Variants in SHISA9 observed in about 807,000 individuals in gnomAD.
SHISA9 encodes shisa family member 9, also known as protein shisa-9.
SHISA9 carries 13 observed loss-of-function variants against 38.0 expected under a neutral mutation model. The observed-to-expected ratio is 0.34, with a 90% confidence interval of 0.22 to 0.54. The LOEUF (loss-of-function observed/expected upper bound fraction) is 0.54, where lower values mean the gene tolerates loss of function less well. SHISA9 is among the 20% of genes least tolerant of loss of function. The pLI is 0.91. For missense variants in SHISA9, 538 were observed against 575.8 expected, an observed-to-expected ratio of 0.93 and a Z score of 0.67; for synonymous variants, 275 against 242.0, an observed-to-expected ratio of 1.14 and a Z score of -1.27.
intron 2 of SHISA9, among the ~76,000 whole-genome samples, chr16:13,169,983 A>G (rs2050670928): frequency 6.6e-6 from 1 of 152,124 alleles, no homozygotes; most frequent in South Asian, 2.1e-4. Context: ...CAAGTGGATC[A>G]CCTGAGGTCA....
chr16:13,129,140 T>C (rs890585159), intron 2 of SHISA9, among the ~76,000 whole-genome samples: 7 of 152,222 alleles, frequency 4.6e-5, no homozygotes, highest in East Asian at 3.9e-4. Flanking sequence ...GACAGAGTTA[T>C]TGTCTTCATT....
chr16:13,524,832 G>A, the SHISA9 span, among the ~76,000 whole-genome samples: 2 of 151,996 alleles, frequency 1.3e-5, no homozygotes, highest in Non-Finnish European at 2.9e-5. Context: ...CTCCCAAAGT[G>A]GGCAGGATAA....
chr16:13,370,537 A>G, the SHISA9 span, among the ~76,000 whole-genome samples: 3 of 152,222 alleles, frequency 2.0e-5, no homozygotes, highest in Non-Finnish European at 2.9e-5. Flanking sequence ...TTACGAAGGC[A>G]TTGCTGAGTG....
the SHISA9 span, among the ~76,000 whole-genome samples, chr16:13,367,937 G>T: frequency 6.6e-6 from 1 of 151,496 alleles, no homozygotes; most frequent in Non-Finnish European, 1.5e-5. Context: ...TTAAATTTTA[G>T]GGTACATGTG....
At chr16:12,936,364 A>G (rs2071532910) in intron 2 of SHISA9, among the ~76,000 whole-genome samples, 1 of 152,194 alleles carries the variant, frequency 6.6e-6, no homozygotes, top group African/African-American at 2.4e-5. Flanking sequence ...AGGTTGGTCC[A>G]ATGTCATATT....
chr16:13,412,487 C>G, the SHISA9 span, among the ~76,000 whole-genome samples: 1,957 of 152,132 alleles, frequency 0.013, 56 homozygotes, highest in African/African-American at 0.045. Flanking sequence ...CCTTCTCTCA[C>G]TTTCTTTCCC....
chr16:13,508,488 C>G, the SHISA9 span, among the ~76,000 whole-genome samples: 1 of 152,092 alleles, frequency 6.6e-6, no homozygotes, highest in African/African-American at 2.4e-5. Context: ...AGAGTTTAAA[C>G]ATTTTAAGGT....
intron 2 of SHISA9, among the ~76,000 whole-genome samples, chr16:13,128,582 C>A (rs921044645): frequency 6.6e-6 from 1 of 152,092 alleles, no homozygotes; most frequent in African/African-American, 2.4e-5. Flanking sequence ...AACACTCTTA[C>A]CACAGTGCCA....
chr16:13,399,570 T>G, the SHISA9 span, among the ~76,000 whole-genome samples: 4 of 152,234 alleles, frequency 2.6e-5, no homozygotes, highest in Admixed American at 2.0e-4. Context: ...CTAGCCATGC[T>G]GCCACATTGC....
the SHISA9 span, among the ~76,000 whole-genome samples, chr16:13,274,945 T>A: frequency 6.6e-6 from 1 of 152,150 alleles, no homozygotes; most frequent in Admixed American, 6.5e-5. Context: ...CGCTAATGAT[T>A]GGGTCCACTG....
chr16:13,073,922 G>A (rs904966683), intron 2 of SHISA9, among the ~76,000 whole-genome samples: 2 of 151,518 alleles, frequency 1.3e-5, no homozygotes, highest in Admixed American at 1.3e-4. Context: ...CAGACTTCTG[G>A]CCTCTAGAAC....
chr16:13,065,409 A>C (rs1405282775), intron 2 of SHISA9, among the ~76,000 whole-genome samples: 2 of 152,216 alleles, frequency 1.3e-5, no homozygotes, highest in Admixed American at 1.3e-4. Context: ...AACCAGTGAA[A>C]GTTTTAGAGA....
intron 2 of SHISA9, among the ~76,000 whole-genome samples, chr16:13,076,619 AC>A (rs2073585851): frequency 6.6e-6 from 1 of 152,070 alleles, no homozygotes; most frequent in South Asian, 2.1e-4. Flanking sequence ...AGTTTTGCAG[AC>A]CCTCTTCTAG....
At chr16:12,903,066 C>G (rs1215849701) in intron 1 of SHISA9, 1 of 166,342 alleles carries the variant, frequency 6.0e-6, no homozygotes, top group Non-Finnish European at 1.3e-5. Context: ...TGTGTGAGCC[C>G]GAGCGCGCGT....
At chr16:13,337,383 G>A in the SHISA9 span, among the ~76,000 whole-genome samples, 10 of 152,130 alleles carry the variant, frequency 6.6e-5, no homozygotes, top group East Asian at 3.9e-4. Context: ...GCTGCCGTGT[G>A]AGACGTGCCT....
At chr16:13,450,632 C>T in the SHISA9 span, among the ~76,000 whole-genome samples, 1 of 152,358 alleles carries the variant, frequency 6.6e-6, no homozygotes, top group Admixed American at 6.5e-5. Context: ...CATTTTACAA[C>T]AGTCCTATGA....
intron 2 of SHISA9, among the ~76,000 whole-genome samples, chr16:13,022,050 T>C (rs771222656): frequency 2.0e-5 from 3 of 152,206 alleles, no homozygotes; most frequent in Non-Finnish European, 4.4e-5. Context: ...TTCTGGTGGC[T>C]CCAGGCTTTC....
chr16:13,044,696 T>C (rs1321716754), intron 2 of SHISA9, among the ~76,000 whole-genome samples: 1 of 152,074 alleles, frequency 6.6e-6, no homozygotes, highest in Non-Finnish European at 1.5e-5. Flanking sequence ...GGCTCCGAGG[T>C]GAGAGGGCAT....
chr16:13,501,916 C>T, the SHISA9 span, among the ~76,000 whole-genome samples: 4 of 151,784 alleles, frequency 2.6e-5, no homozygotes, highest in Non-Finnish European at 5.9e-5. Context: ...GCAGGAGAAT[C>T]ACTTGAACCC....
Sources: gnomAD v4.1 joint callset for allele counts (sites outside exome capture counted in the v4.1 genomes callset) on GRCh38, gnomAD v4.1.1 for gene constraint, MANE v1.5 for transcripts, NCBI Gene and HGNC (gene_info 2026-07-23, HGNC 2026-07-21) for gene names.